The following PLS3 variants were observed in gnomAD, a reference collection of about 807,000 sequenced individuals.
The protein encoded by PLS3 is plastin-3.
PLS3 carries 11 observed loss-of-function variants against 46.5 expected under a neutral mutation model. The ratio of observed to expected loss-of-function variants is 0.24; its 90% CI spans 0.15 to 0.39. The LOEUF (loss-of-function observed/expected upper bound fraction) is 0.39, where lower values mean the gene tolerates loss of function less well. PLS3 is among the 10% of genes least tolerant of loss of function. The pLI, the probability that PLS3 is intolerant of heterozygous loss-of-function variation, is 1.00. For missense variants in PLS3, 308 were observed against 461.8 expected (o/e 0.67, Z 3.05); for synonymous variants, 167 against 162.2 (o/e 1.03, Z -0.22).
chrX:115,564,843 T>C (rs2074162702), intron 1 of PLS3, among the ~76,000 whole-genome samples: 2 of 111,783 alleles, frequency 1.8e-5, no homozygotes, highest in South Asian at 7.4e-4. Flanking sequence ...ATGACAACAA[T>C]GGGGTATCTG....
At chrX:115,613,157 C>A (rs2074562803) in intron 2 of PLS3, among the ~76,000 whole-genome samples, 1 of 111,313 alleles carries the variant, frequency 9.0e-6, no homozygotes, top group African/African-American at 3.3e-5. Flanking sequence ...ACTTACCTTG[C>A]CTTGCCTTTT....
intron 1 of PLS3, among the ~76,000 whole-genome samples, chrX:115,604,084 T>G (rs924675930): frequency 8.9e-5 from 10 of 112,017 alleles, no homozygotes; most frequent in Non-Finnish European, 1.9e-4. Flanking sequence ...GAAACTGGCC[T>G]TACGGAGGAA....
intron 1 of PLS3, among the ~76,000 whole-genome samples, chrX:115,566,356 A>G (rs1455072430): frequency 1.1e-4 from 2 of 17,454 alleles, no homozygotes; most frequent in Admixed American, 1.2e-3. Flanking sequence ...CCTACATGTG[A>G]TACTTTCTTC....
Position 115,585,894 on chromosome X carries a change from G to C in PLS3, c.-8-24349G>C, listed in dbSNP as rs191749365. 5.2e-3 allele frequency among the ~76,000 whole-genome samples: 576 copies of C among 111,276 alleles called. 2 individuals are homozygous for C. Among genetic ancestry groups the C allele is most frequent in the Non-Finnish European group, 6.6e-3 (351 of 53,123 alleles). On this transcript the variant is annotated intron_variant, in intron 1 of 15. Transcript: ENST00000355899. ...TAGTTTTTAATATTTTAAGATAGTA[G>C]TGTTTGCATTTCATATGGAGTTTTA... is the stretch of plus-strand genomic sequence containing the variant.
At position 115,629,293 on chromosome X, in the gene PLS3, G is replaced by A; in HGVS notation, c.333G>A (p.Glu111=). Residue 111 remains glutamate, a synonymous_variant, in exon 4 of 16, where the codon GAG becomes GAA. Transcript: ENST00000355899. ...TTTGTGCTCTGGGTGGAACTTCAGAGTTGTCCAGCGAAGGAACACAGCATT... is the reference window on the plus strand; with the variant it reads ...TTTGTGCTCTGGGTGGAACTTCAGAATTGTCCAGCGAAGGAACACAGCATT... ...EGICALGGTS[E]LSSEGTQHSY... The A allele has an allele frequency of 8.3e-7, 1 of 1,205,458 alleles. No homozygotes were observed. Among genetic ancestry groups the A allele is most frequent in the Non-Finnish European group, 1.1e-6 (1 of 891,226 alleles).
At chrX:115,569,541 A>G (rs2074199675) in intron 1 of PLS3, among the ~76,000 whole-genome samples, 1 of 112,220 alleles carries the variant, frequency 8.9e-6, no homozygotes, top group Non-Finnish European at 1.9e-5. Flanking sequence ...CATAGGTCCA[A>G]TAATAGTAAA....
At chrX:115,578,774 AT>A (rs1422496166) in intron 1 of PLS3, among the ~76,000 whole-genome samples, 11 of 109,712 alleles carry the variant, frequency 1.0e-4, no homozygotes, top group African/African-American at 3.6e-4. Flanking sequence ...AATGTTCTTC[AT>A]TTTCCCTATT....
intron 1 of PLS3, among the ~76,000 whole-genome samples, chrX:115,594,548 G>A (rs1197919414): frequency 2.7e-5 from 3 of 110,468 alleles, no homozygotes; most frequent in Non-Finnish European, 5.7e-5. Context: ...GATTTGAGTT[G>A]TAGGTCACAA....
intron 2 of PLS3, 55 bp downstream of exon 2, chrX:115,610,378 G>A: frequency 1.6e-6 from 1 of 608,223 alleles, no homozygotes; most frequent in Admixed American, 3.0e-5. Context: ...TGGTCTCAAA[G>A]TTATTTCTCT....
Position 115,649,869 on chromosome X carries a change from C to G in PLS3, c.*308C>G, listed in dbSNP as rs2074986646. 2 of 165,665 alleles carry G rather than the reference C, an allele frequency of 1.2e-5. No homozygotes were observed. The highest frequency in any genetic ancestry group is 5.9e-5 in the African/African-American group (2 of 33,940). The allele number at this position is 165,665 out of a possible 1,213,427, so 13.7% of individuals were successfully genotyped here. Reference sequence around the variant, plus strand: ...CCATTGCTGTATGTTATTTCTTGCTCTGTTATCTTTTGCCCTCTTAGAATG... The same window carrying G: ...CCATTGCTGTATGTTATTTCTTGCTGTGTTATCTTTTGCCCTCTTAGAATG... On this transcript the variant is annotated 3_prime_UTR_variant, in exon 16 of 16. Coordinates refer to ENST00000355899, the MANE Select transcript of PLS3 (RefSeq NM_005032.7).
At chrX:115,620,689 T>C (rs1569528160) in intron 2 of PLS3, among the ~76,000 whole-genome samples, 1 of 104,809 alleles carries the variant, frequency 9.5e-6, no homozygotes, top group Non-Finnish European at 1.9e-5. Context: ...TATGCTTTTT[T>C]CTTTTTTTTT....
chrX:115,600,388 A>G (rs971014646), intron 1 of PLS3, among the ~76,000 whole-genome samples: 1 of 110,108 alleles, frequency 9.1e-6, no homozygotes, highest in African/African-American at 3.3e-5. Flanking sequence ...CTGCCTCCCA[A>G]AGCACTGGGA....
chrX:115,649,686 A>T lies in PLS3; in HGVS notation c.*125A>T. On this transcript the variant is annotated 3_prime_UTR_variant, in exon 16 of 16. Transcript: ENST00000355899. ...TTCAAAGGACTTTTCATTTTGATTA[A>T]CAGGACTAGCTTATCATGAGAGCCC... The T allele has an allele frequency of 1.7e-6, 1 of 588,923 alleles. No individual in the cohort carries two copies. Among genetic ancestry groups the T allele is most frequent in the Non-Finnish European group, 2.6e-6 (1 of 381,136 alleles). The allele number at this position is 588,923 out of a possible 1,213,427, so 48.5% of individuals were successfully genotyped here. A position where few individuals can be genotyped will look rare whatever the true frequency, so the allele number is the denominator to read the frequency against.
At chrX:115,645,554 G>A (rs782195523) in intron 11 of PLS3, among the ~76,000 whole-genome samples, 3 of 111,152 alleles carry the variant, frequency 2.7e-5, no homozygotes, top group South Asian at 3.8e-4. Flanking sequence ...CAACAACTCA[G>A]GGACTTTGGT....
chrX:115,623,266 G>A (rs1207987919), intron 3 of PLS3, among the ~76,000 whole-genome samples: 6 of 111,988 alleles, frequency 5.4e-5, no homozygotes, highest in Non-Finnish European at 9.4e-5. Context: ...TGAGGCAGGA[G>A]GGTCTCTTGA....
At chrX:115,644,950 G>A in intron 10 of PLS3, 71 bp from the exon 11 acceptor site, 1 of 637,128 alleles carries the variant, frequency 1.6e-6, no homozygotes. Flanking sequence ...AATCTAATAT[G>A]TGTATTGGCA....
intron 5 of PLS3, among the ~76,000 whole-genome samples, chrX:115,633,429 C>T (rs782155683): frequency 7.6e-4 from 85 of 111,549 alleles, no homozygotes; most frequent in Non-Finnish European, 1.5e-3. Context: ...CCTTGGCCTC[C>T]CAAAGTGTGG....
At chrX:115,634,312 A>G (rs1603242053) in intron 6 of PLS3, among the ~76,000 whole-genome samples, 1 of 112,009 alleles carries the variant, frequency 8.9e-6, no homozygotes, top group African/African-American at 3.2e-5. Context: ...TCAAAGCCCC[A>G]TGTTCTTTTC....
At position 115,578,519 on chromosome X, in the gene PLS3, A is replaced by ATGTC. The variant is rs2074261299; in HGVS notation, c.-9+17260_-9+17261insGTCT. Among the ~76,000 whole-genome samples, 3 of 109,516 alleles carry ATGTC rather than the reference A, an allele frequency of 2.7e-5. No homozygotes were observed. The South Asian group carries it at 1.2e-3, about 44-fold the overall frequency. ...GGCAGGCGGATCACGAGGTTAGGAG[A>ATGTC]TCGAGACCATCCTGGCTAACACGGT... is the stretch of plus-strand genomic sequence containing the variant. On this transcript the variant is annotated intron_variant, in intron 1 of 15. Transcript: ENST00000355899.
Sources: gnomAD v4.1 joint callset for allele counts (sites outside exome capture counted in the v4.1 genomes callset) on GRCh38, gnomAD v4.1.1 for gene constraint, MANE v1.5 for transcripts, NCBI Gene and HGNC (gene_info 2026-07-23, HGNC 2026-07-21) for gene names.